RCC2: variants seen among roughly 807,000 people sequenced by gnomAD.
The protein encoded by RCC2 is protein RCC2.
Under a neutral mutation model 64.1 loss-of-function variants are expected in RCC2, and 19 were observed. The ratio of observed to expected loss-of-function variants is 0.30; its 90% confidence interval spans 0.21 to 0.44. The LOEUF (loss-of-function observed/expected upper bound fraction) is 0.44. Among genes scored for constraint, RCC2 ranks in the 20% least tolerant of loss-of-function variants. RCC2 has a pLI of 1.00. For missense variants in RCC2, 508 were observed against 710.4 expected (o/e 0.72, Z 3.24); for synonymous variants, 325 against 279.6 (o/e 1.16, Z -1.62).
At chr1:17,427,212 G>A (rs2075625991) in intron 3 of RCC2, among the ~76,000 whole-genome samples, 1 of 152,198 alleles carries the variant, frequency 6.6e-6, no homozygotes, top group East Asian at 1.9e-4. Context: ...GCGCCTGGCT[G>A]CCTAGAAAGT....
chr1:17,432,950 T>C (rs2075697969), intron 2 of RCC2, among the ~76,000 whole-genome samples: 1 of 151,400 alleles, frequency 6.6e-6, no homozygotes, highest in South Asian at 2.1e-4. Context: ...AGAGCGAGAC[T>C]CCATCTTAAA....
chr1:17,437,759 G>A (rs1193557351), intron 2 of RCC2, among the ~76,000 whole-genome samples: 1 of 5,532 alleles, frequency 1.8e-4, no homozygotes, highest in Admixed American at 1.8e-3. Context: ...GCAAACGGCC[G>A]CTCCCCGCAG....
chr1:17,419,756 C>T (rs1419252795), intron 7 of RCC2, among the ~76,000 whole-genome samples: 2 of 152,156 alleles, frequency 1.3e-5, no homozygotes, highest in African/African-American at 2.4e-5. Context: ...AGCAGGAGCG[C>T]GCACGTGGCA....
intron 2 of RCC2, among the ~76,000 whole-genome samples, chr1:17,432,589 A>G (rs2075693512): frequency 6.6e-6 from 1 of 152,190 alleles, no homozygotes; most frequent in South Asian, 2.1e-4. Context: ...GCAAAACTTC[A>G]CAGTGCTGAG....
Position 17,412,027 on chromosome 1 carries a change from C to G in RCC2, c.1386+95G>C. The G allele has an allele frequency of 3.7e-6, 4 of 1,079,466 alleles. No individual in the cohort carries two copies. In the South Asian group the frequency reaches 5.2e-5, roughly 14 times the overall value. The allele number at this position is 1,079,466 out of a possible 1,614,324, so 66.9% of individuals were successfully genotyped here. Reference sequence around the variant, plus strand: ...GGGGGGAATCCCAAATGTTTTTCTTCTGTGTGTTTTGGGAGACAGGTGGAG... The same window carrying G: ...GGGGGGAATCCCAAATGTTTTTCTTGTGTGTGTTTTGGGAGACAGGTGGAG... On this transcript the variant is annotated intron_variant, in intron 11 of 12. Transcript: ENST00000375436.
At chr1:17,423,199 C>A (rs1488644191) in intron 4 of RCC2, among the ~76,000 whole-genome samples, 1 of 152,216 alleles carries the variant, frequency 6.6e-6, no homozygotes, top group African/African-American at 2.4e-5. Flanking sequence ...GACAACCACC[C>A]CGTCCCTACC....
chr1:17,439,108 C>T (rs887790879), intron 1 of RCC2, among the ~76,000 whole-genome samples: 4 of 152,178 alleles, frequency 2.6e-5, no homozygotes, highest in Non-Finnish European at 5.9e-5. Flanking sequence ...TAGCCGAATC[C>T]CTACGGCGGA....
chr1:17,433,785 G>GC (rs2075708222), intron 2 of RCC2, among the ~76,000 whole-genome samples: 1 of 152,150 alleles, frequency 6.6e-6, no homozygotes, highest in South Asian at 2.1e-4. Flanking sequence ...CGTTTACGGG[G>GC]CCCAGAGTCA....
chr1:17,429,712 G>A (rs1015788049), intron 2 of RCC2, among the ~76,000 whole-genome samples: 4 of 152,172 alleles, frequency 2.6e-5, no homozygotes, highest in South Asian at 2.1e-4. Flanking sequence ...AACAAGGTTC[G>A]ATTTCTCCAC....
At chr1:17,418,843 G>A (rs2075519943) in intron 7 of RCC2, among the ~76,000 whole-genome samples, 1 of 152,194 alleles carries the variant, frequency 6.6e-6, no homozygotes, top group South Asian at 2.1e-4. Flanking sequence ...GTCAACAAAT[G>A]ATTAGAGTCC....
rs1000727564 is a variant in RCC2, at chr1:17,408,784, AAACTT to A, written c.*301_*305del. On this transcript the variant is annotated 3_prime_UTR_variant, in exon 13 of 13. Transcript: ENST00000375436. Reference sequence around the variant, plus strand: ...TGTATTCAGGAGAGGAAGAAAGAAAAAACTTAAAAAAAAAAAAAACCTAGATTGCT... The same window carrying A: ...TGTATTCAGGAGAGGAAGAAAGAAAAAAAAAAAAAAAAAACCTAGATTGCT... 4 of 301,924 alleles carry A rather than the reference AAACTT, an allele frequency of 1.3e-5. No individual in the cohort carries two copies. Among genetic ancestry groups the A allele is most frequent in the African/African-American group, 9.0e-5 (4 of 44,478 alleles). 18.7% of individuals were successfully genotyped at this position (301,924 alleles called of 1,614,324 possible).
intron 4 of RCC2, 125 bp from the exon 5 acceptor site, chr1:17,422,961 T>C: frequency 1.1e-6 from 1 of 894,872 alleles, no homozygotes; most frequent in Admixed American, 4.0e-5. Context: ...CCCTCCAAAT[T>C]CCCAACAGCC....
intron 3 of RCC2, 23 bp from the exon 4 acceptor site, chr1:17,425,707 G>C: frequency 3.1e-6 from 5 of 1,591,596 alleles, no homozygotes; most frequent in Non-Finnish European, 4.3e-6. Context: ...TGAGAATGCA[G>C]ATCAGACACC....
intron 3 of RCC2, among the ~76,000 whole-genome samples, chr1:17,425,918 G>A (rs918493205): frequency 6.6e-6 from 1 of 152,152 alleles, no homozygotes; most frequent in Non-Finnish European, 1.5e-5. Flanking sequence ...CAGGCCTGGC[G>A]TCACCTGCCA....
rs907238023 is a variant in RCC2, at chr1:17,423,855, C to A, written c.524-1019G>T. Among the ~76,000 whole-genome samples, 2 of 152,224 alleles carry A rather than the reference C, an allele frequency of 1.3e-5. 1 individual carries two copies. Among genetic ancestry groups the A allele is most frequent in the African/African-American group, 4.8e-5 (2 of 41,462 alleles). On this transcript the variant is annotated intron_variant, in intron 4 of 12. Coordinates refer to ENST00000375436, the MANE Select transcript of RCC2 (RefSeq NM_018715.4). ...TTGTGATAAAGGCAGACAGCAGAGC[C>A]ATTAAGATGAGTTCCAGCTGTCCTG...
intron 2 of RCC2, among the ~76,000 whole-genome samples, chr1:17,435,322 G>T (rs1267889824): frequency 2.6e-5 from 4 of 152,196 alleles, no homozygotes; most frequent in Admixed American, 2.6e-4. Flanking sequence ...CTGCAGCTTT[G>T]GGGTCACTGA....
At chr1:17,411,963 T>C (rs2075431421) in intron 11 of RCC2, among the ~76,000 whole-genome samples, 159 bp downstream of exon 11, 1 of 152,242 alleles carries the variant, frequency 6.6e-6, no homozygotes. Context: ...CCTTGAAAAC[T>C]CATGGGACTC....
chr1:17,438,272 C>T lies in RCC2; in HGVS notation c.243G>A (p.Ala81=), dbSNP rs1328819713. ...RPATAGKAGG[A]AVVITEPEHT... ...GCTCGGGTTCGGTGATGACCACGGC[C>T]GCGCCGCCCGCCTTGCCTGCTGTCG... The change falls in exon 2 of 13, where the codon GCG becomes GCA. Residue 81 remains alanine, a synonymous_variant. Transcript: ENST00000375436. The T allele has an allele frequency of 2.3e-6, 3 of 1,309,544 alleles. No homozygotes were observed. The highest frequency in any genetic ancestry group is 4.1e-5 in the East Asian group (1 of 24,282). 81.1% of individuals were successfully genotyped at this position (1,309,544 alleles called of 1,614,324 possible). A position where few individuals can be genotyped will look rare whatever the true frequency, so the allele number is the denominator to read the frequency against.
In RCC2 at chr1:17,422,059, A is replaced by C. The variant is rs190314207; in HGVS notation, c.744+144T>G. The stretch of plus-strand genomic sequence containing the variant: ...AACAAAAAACAAAAAAACAAACAAA[A>C]AAACTCTACAGCATGTAACTAAACA... On this transcript the variant is annotated intron_variant, in intron 6 of 12. Coordinates refer to ENST00000375436, the MANE Select transcript of RCC2 (RefSeq NM_018715.4). 74 of 548,934 alleles carry C rather than the reference A, an allele frequency of 1.3e-4. 1 individual carries two copies. Among genetic ancestry groups the C allele is most frequent in the African/African-American group, 1.0e-3 (54 of 51,590 alleles). 34.0% of individuals were successfully genotyped at this position (548,934 alleles called of 1,614,324 possible).
Sources: allele counts gnomAD v4.1 joint callset (sites outside exome capture counted in the v4.1 genomes callset), GRCh38; gene constraint gnomAD v4.1.1; transcripts MANE v1.5; gene names NCBI Gene and HGNC (gene_info 2026-07-23, HGNC 2026-07-21).